The following CDC14A variants were observed in gnomAD, a reference collection of about 807,000 sequenced individuals.
CDC14A encodes dual specificity protein phosphatase CDC14A.
CDC14A carries 53 observed loss-of-function variants against 74.4 expected under a neutral mutation model. That is an observed-to-expected ratio of 0.71 (90% confidence interval 0.57 to 0.89). The LOEUF is 0.89. Among genes scored for constraint, CDC14A ranks in the 40% least tolerant of loss-of-function variants. The pLI, the probability that CDC14A is intolerant of heterozygous loss-of-function variation, is 0.00. For synonymous variants in CDC14A, 247 were observed against 258.4 expected (o/e 0.96, Z 0.43); for missense variants, 646 against 713.7 (o/e 0.91, Z 1.08).
chr1:100,455,401 C>T lies in CDC14A; in HGVS notation c.520-4C>T, dbSNP rs1317312721. ...TCTTCTCTTTTCTTACAAAATTCTG[C>T]CAGCGAGTTGAAAATGGTGACTTCA... On this transcript the variant is annotated splice_polypyrimidine_tract_variant and splice_region_variant and intron_variant, in intron 7 of 15. Transcript: ENST00000336454. The T allele has an allele frequency of 6.3e-7, 1 of 1,587,488 alleles. No individual in the cohort carries two copies.
At position 100,515,390 on chromosome 1, in the gene CDC14A, T is replaced by C. The variant is rs975679156; in HGVS notation, c.1756-2861T>C. Among the ~76,000 whole-genome samples the C allele has an allele frequency of 9.9e-5, 15 of 151,680 alleles. 1 individual carries two copies. The highest frequency in any genetic ancestry group is 6.9e-3 in the Middle Eastern group (2 of 290). On this transcript the variant is annotated intron_variant, in intron 15 of 15. Coordinates refer to ENST00000336454, the MANE Select transcript of CDC14A (RefSeq NM_003672.4). ...CCTTAGTGCATTTCTTTCTTTCTTTTTTTTTTTTTTTGAGACGGAGTTTTG... is the reference window on the plus strand; with the variant it reads ...CCTTAGTGCATTTCTTTCTTTCTTTCTTTTTTTTTTTGAGACGGAGTTTTG...
chr1:100,402,128 C>G (rs1162684259), intron 4 of CDC14A, among the ~76,000 whole-genome samples: 1 of 149,248 alleles, frequency 6.7e-6, no homozygotes, highest in Non-Finnish European at 1.5e-5. Flanking sequence ...TAGCTGCATG[C>G]ATTCATTATG....
chr1:100,491,878 C>CTTTTTTTT lies in CDC14A; in HGVS notation c.1138-2933_1138-2932insTTTTTTTT, dbSNP rs1553196630. ...TGAGCCACCGTGCCTAGCCAGATAC[C>CTTTTTTTT]TTTTTTTGAGAAAAAACACCTCTGC... On this transcript the variant is annotated intron_variant, in intron 11 of 15. Coordinates refer to ENST00000336454, the MANE Select transcript of CDC14A (RefSeq NM_003672.4). 5.5e-3 allele frequency among the ~76,000 whole-genome samples: 781 copies of CTTTTTTTT among 142,086 alleles called. 6 individuals carry two copies. The highest frequency in any genetic ancestry group is 6.0e-3 in the African/African-American group (233 of 38,722). 93.2% of individuals were successfully genotyped at this position (142,086 alleles called of 152,430 possible).
chr1:100,461,343 G>A (rs1667295305), intron 8 of CDC14A, among the ~76,000 whole-genome samples: 1 of 152,196 alleles, frequency 6.6e-6, no homozygotes, highest in African/African-American at 2.4e-5. Flanking sequence ...GAGCATAAGA[G>A]TCGGCTTGGA....
At chr1:100,371,495 T>C (rs994661234) in intron 2 of CDC14A, among the ~76,000 whole-genome samples, 1 of 152,176 alleles carries the variant, frequency 6.6e-6, no homozygotes, top group African/African-American at 2.4e-5. Context: ...TGTTAAGGAT[T>C]TTTACCATGA....
chr1:100,500,449 G>A (rs952663085), intron 15 of CDC14A, among the ~76,000 whole-genome samples: 2 of 152,122 alleles, frequency 1.3e-5, no homozygotes, highest in Non-Finnish European at 2.9e-5. Flanking sequence ...ACTTTCTTTA[G>A]TTGACAGTTT....
At position 100,496,223 on chromosome 1, in the gene CDC14A, ATT is replaced by A. The variant is rs149672640; in HGVS notation, c.1298+188_1298+189del. Among the ~76,000 whole-genome samples, 131,829 of 144,546 alleles carry A rather than the reference ATT, an allele frequency of 0.91. 60,627 individuals are homozygous for A. Among genetic ancestry groups the A allele is most frequent in the Non-Finnish European group, 0.98 (63,909 of 65,212 alleles). 94.8% of individuals were successfully genotyped at this position (144,546 alleles called of 152,430 possible). On this transcript the variant is annotated intron_variant, in intron 13 of 15. Transcript: ENST00000336454. ...ATTTTTAATGCTCACCATGAAAAGG[ATT>A]TTTTTTTTTTTTTGCTGGCATGCCC...
intron 4 of CDC14A, among the ~76,000 whole-genome samples, chr1:100,406,058 AGT>A (rs1659902950): frequency 3.3e-5 from 5 of 152,096 alleles, no homozygotes; most frequent in Non-Finnish European, 5.9e-5. Context: ...TTGACTTTTT[AGT>A]AATAGCCGTT....
At position 100,508,307 on chromosome 1, in the gene CDC14A, A is replaced by T. The variant is rs556252331; in HGVS notation, c.1755+9045A>T. Among the ~76,000 whole-genome samples the T allele has an allele frequency of 4.2e-4, 64 of 151,494 alleles. No individual in the cohort carries two copies. The highest frequency in any genetic ancestry group is 1.4e-3 in the East Asian group (7 of 5,168). ...TGTGTATATATATAGATATATATAT[A>T]TATTTTTTTCACTTGAAGGATCTCA... On this transcript the variant is annotated intron_variant, in intron 15 of 15. Transcript: ENST00000336454. This position sits in a 1 kb window ranked among gnomAD's most constrained non-coding sequence, Gnocchi z 4.4.
At chr1:100,394,716 C>G (rs956283689) in intron 4 of CDC14A, among the ~76,000 whole-genome samples, 2 of 152,068 alleles carry the variant, frequency 1.3e-5, no homozygotes, top group East Asian at 3.9e-4. Context: ...TGGTCATGTC[C>G]CAATTGATTT....
At chr1:100,474,363 A>G (rs1157594741) in intron 10 of CDC14A, among the ~76,000 whole-genome samples, 1 of 151,966 alleles carries the variant, frequency 6.6e-6, no homozygotes, top group African/African-American at 2.4e-5. Flanking sequence ...ATGAATTGGG[A>G]ATTGTTCTTC....
At chr1:100,464,606 G>A (rs971970395) in intron 9 of CDC14A, among the ~76,000 whole-genome samples, 3 of 152,164 alleles carry the variant, frequency 2.0e-5, no homozygotes, top group African/African-American at 7.2e-5. Context: ...CATAAAAATT[G>A]TATTTTTTCC....
At chr1:100,414,241 G>A (rs1661230215) in intron 4 of CDC14A, among the ~76,000 whole-genome samples, 1 of 152,182 alleles carries the variant, frequency 6.6e-6, no homozygotes, top group South Asian at 2.1e-4. Context: ...CAAGGCGGTA[G>A]GATTGCCTGA....
upstream of CDC14A, among the ~76,000 whole-genome samples, chr1:100,348,611 AAGCC>A (rs1330802834): frequency 6.6e-6 from 1 of 152,234 alleles, no homozygotes; most frequent in Non-Finnish European, 1.5e-5. Flanking sequence ...GAGGGGCTTG[AAGCC>A]ATGTAATATA....
intron 10 of CDC14A, among the ~76,000 whole-genome samples, chr1:100,478,998 A>G (rs1191914811): frequency 2.6e-5 from 4 of 152,176 alleles, no homozygotes. Flanking sequence ...TCCCTGAACC[A>G]TATTCAATAA....
chr1:100,385,898 G>A lies in CDC14A; in HGVS notation c.217-4834G>A, dbSNP rs114435409. Among the ~76,000 whole-genome samples, 492 of 152,338 alleles carry A rather than the reference G, an allele frequency of 3.2e-3. 2 individuals are homozygous for A. Among genetic ancestry groups the A allele is most frequent in the African/African-American group, 0.011 (444 of 41,558 alleles). ...ACTTCAGTTTAGAAAGTTCAGAAGG[G>A]TATTTGCTTTGTAATCCCCGCACTT... On this transcript the variant is annotated intron_variant, in intron 3 of 15. Transcript: ENST00000336454.
intron 2 of CDC14A, among the ~76,000 whole-genome samples, chr1:100,371,526 G>A (rs911241087): frequency 3.9e-5 from 6 of 152,154 alleles, no homozygotes; most frequent in African/African-American, 1.4e-4. Context: ...GATTTTATCA[G>A]AAGCTTTTTT....
intron 11 of CDC14A, chr1:100,485,358 T>C (rs1669922116): frequency 1.0e-6 from 1 of 960,222 alleles, no homozygotes; most frequent in Non-Finnish European, 1.2e-6. Flanking sequence ...TATACTTTTA[T>C]ATCTCTAAAG....
At chr1:100,461,803 TAAAA>T (rs35986415) in intron 8 of CDC14A, among the ~76,000 whole-genome samples, 1 of 152,168 alleles carries the variant, frequency 6.6e-6, no homozygotes, top group East Asian at 1.9e-4. Context: ...TATTTTTAAC[TAAAA>T]AAATTTATAT....
Sources: allele counts gnomAD v4.1 joint callset (sites outside exome capture counted in the v4.1 genomes callset), GRCh38; gene constraint gnomAD v4.1.1; non-coding constraint Gnocchi (gnomAD v3.1); transcripts MANE v1.5; gene names NCBI Gene and HGNC (gene_info 2026-07-23, HGNC 2026-07-21).